The following CRTC2 variants were observed in gnomAD, a reference collection of about 807,000 sequenced individuals.
CRTC2 encodes CREB-regulated transcription coactivator 2.
CRTC2 carries 25 observed loss-of-function variants against 70.9 expected under a neutral mutation model. The ratio of observed to expected loss-of-function variants is 0.35; its 90% CI spans 0.26 to 0.49. The LOEUF is 0.49. Ranked by LOEUF, CRTC2 falls within the 20% of genes least tolerant of loss-of-function variation. The pLI is 0.98. For synonymous variants in CRTC2, 330 were observed against 364.1 expected, an observed-to-expected ratio of 0.91 and a Z score of 1.07; for missense variants, 737 against 882.6, an observed-to-expected ratio of 0.83 and a Z score of 2.09.
In CRTC2 at chr1:153,948,575, G is replaced by T. The variant is rs753013378; in HGVS notation, c.1744C>A (p.Pro582Thr). ...VLDPPGFSEG[P>T]GFLGGEGPMG... ...GGCCCCTCACCCCCTAAAAATCCAG[G>T]CCCTTCAGAAAAGCCAGGGGGATCC... Residue 582 changes from proline (P) to threonine (T), a missense_variant, in exon 13 of 14, where the codon CCT becomes ACT. Transcript: ENST00000368633. 6 of 1,609,830 alleles carry T rather than the reference G, an allele frequency of 3.7e-6. No homozygotes were observed. The South Asian group carries it at 6.6e-5, about 18-fold the overall frequency.
At chr1:153,948,382 A>AC in intron 13 of CRTC2, 53 bp from the exon 14 acceptor site, 3 of 1,612,590 alleles carry the variant, frequency 1.9e-6, no homozygotes, top group Non-Finnish European at 2.5e-6. Flanking sequence ...CTTTTCCAAG[A>AC]CCCCTCAATC....
chr1:153,955,917 T>C (rs1417487119), intron 1 of CRTC2, among the ~76,000 whole-genome samples: 1 of 152,156 alleles, frequency 6.6e-6, no homozygotes, highest in Non-Finnish European at 1.5e-5. Context: ...CCTGAGGGGC[T>C]GCCAGGAGCT....
At position 153,952,651 on chromosome 1, in the gene CRTC2, C is replaced by T; in HGVS notation, c.638-16G>A. On this transcript the variant is annotated splice_polypyrimidine_tract_variant and intron_variant, in intron 7 of 13. Coordinates refer to ENST00000368633, the MANE Select transcript of CRTC2 (RefSeq NM_181715.3). ...ATAGCAGGTACTTGAAAGAGAAAGA[C>T]TGGTGATGGGAGAGTTGGAGAAAGA... 6.2e-7 allele frequency: 1 copy of T among 1,614,126 alleles called. No individual in the cohort carries two copies. The highest frequency in any genetic ancestry group is 8.5e-7 in the Non-Finnish European group (1 of 1,179,946).
intron 12 of CRTC2, 94 bp downstream of exon 12, chr1:153,949,020 CT>C: frequency 7.6e-7 from 1 of 1,322,874 alleles, no homozygotes; most frequent in Non-Finnish European, 1.1e-6. Context: ...CCACCTAGAT[CT>C]CCCCATTCAC....
At chr1:153,958,280 C>T (rs1375455144) in intron 1 of CRTC2, 65 bp downstream of exon 1, 7 of 1,556,642 alleles carry the variant, frequency 4.5e-6, no homozygotes, top group African/African-American at 1.4e-5. Flanking sequence ...GCCCCCGCCC[C>T]GCCTCTCCGG....
At chr1:153,952,971 CAGG>C in intron 6 of CRTC2, 137 bp from the exon 7 acceptor site, 1 of 1,089,246 alleles carries the variant, frequency 9.2e-7, no homozygotes, top group Non-Finnish European at 1.4e-6. Context: ...ATCACGAGGT[CAGG>C]AGTTCAAGAC....
intron 1 of CRTC2, among the ~76,000 whole-genome samples, chr1:153,957,240 GGGGGA>G (rs1680666178): frequency 6.6e-6 from 1 of 151,908 alleles, no homozygotes; most frequent in African/African-American, 2.4e-5. Context: ...ACAGAGTCAA[GGGGGA>G]TACACACAAA....
Position 153,952,052 on chromosome 1 carries a change from CCTG to C in CRTC2, c.960_962del (p.Ser320del). ...CATAGCCTGGGCCCAGGCCCATGCC[CCTG>C]CTGATGCCCAGGTGAGTCATGGTGT... is the stretch of plus-strand genomic sequence containing the variant. On this transcript the variant is annotated inframe_deletion, in exon 10 of 14. Transcript: ENST00000368633. 1 of 1,614,046 alleles carries C rather than the reference CCTG, an allele frequency of 6.2e-7. No individual in the cohort carries two copies. The highest frequency in any genetic ancestry group is 8.5e-7 in the Non-Finnish European group (1 of 1,179,958).
At chr1:153,954,195 A>G (rs1285522223) in intron 4 of CRTC2, 60 bp downstream of exon 4, 2 of 1,346,910 alleles carry the variant, frequency 1.5e-6, no homozygotes, top group Non-Finnish European at 1.1e-6. Flanking sequence ...AGAAGGGGCA[A>G]CTCCTTCCAG....
In CRTC2 at chr1:153,948,044, G is replaced by A; in HGVS notation, c.*65C>T. ...GAGAGTAGAGTCTCTACCTGCCAGG[G>A]GGAAGGGAGGAAAGGAATGGTGGTG... On this transcript the variant is annotated 3_prime_UTR_variant, in exon 14 of 14. Transcript: ENST00000368633. 1.4e-6 allele frequency: 2 copies of A among 1,464,800 alleles called. No individual in the cohort carries two copies. Among genetic ancestry groups the A allele is most frequent in the Non-Finnish European group, 1.9e-6 (2 of 1,050,792 alleles). The allele number at this position is 1,464,800 out of a possible 1,614,324, so 90.7% of individuals were successfully genotyped here.
chr1:153,955,188 G>C, intron 1 of CRTC2, 22 bp from the exon 2 acceptor site: 1 of 1,564,126 alleles, frequency 6.4e-7, no homozygotes, highest in Non-Finnish European at 8.8e-7. Context: ...GGAACAAGTG[G>C]GAATGTCAGG....
In CRTC2 at chr1:153,954,244, T is replaced by C; in HGVS notation, c.434+11A>G. 2 of 1,608,140 alleles carry C rather than the reference T, an allele frequency of 1.2e-6. No individual in the cohort carries two copies. The highest frequency in any genetic ancestry group is 1.7e-6 in the Non-Finnish European group (2 of 1,175,820). ...AGTAGGCAGGAGCTTCTGCCCGCCC[T>C]GGACACTTACCTTCGCCAGCTAGAC... is the stretch of plus-strand genomic sequence containing the variant. On this transcript the variant is annotated intron_variant, in intron 4 of 13. Transcript: ENST00000368633.
intron 12 of CRTC2, 187 bp downstream of exon 12, chr1:153,948,928 G>A (rs114300860): frequency 0.013 from 9,960 of 757,180 alleles, 93 homozygotes; most frequent in Non-Finnish European, 0.016. Flanking sequence ...GGCAGGAGTA[G>A]GGTCAAACGC....
At position 153,949,384 on chromosome 1, in the gene CRTC2, C is replaced by T; in HGVS notation, c.1405G>A (p.Gly469Ser). The T allele has an allele frequency of 6.2e-7, 1 of 1,602,858 alleles. No homozygotes were observed. The highest frequency in any genetic ancestry group is 8.5e-7 in the Non-Finnish European group (1 of 1,174,572). ...AGTTTACTGGTATCCAGGGGGACGC[C>T]CTGAAAAGAAGTAAAAAGAGGGAAG... ...MSPTLSSITQ[G>S]VPLDTSKLST... Residue 469 changes from glycine to serine, a missense_variant and splice_region_variant, in exon 12 of 14, where the codon GGC becomes AGC. Around this residue, in one of 3 missense-constraint regions of CRTC2, gnomAD observed 699 missense variants for 823.7 expected, o/e 0.85. Coordinates refer to ENST00000368633, the MANE Select transcript of CRTC2 (RefSeq NM_181715.3).
chr1:153,948,860 A>G, intron 12 of CRTC2: 2 of 744,878 alleles, frequency 2.7e-6, no homozygotes. Context: ...TGTGCATGCC[A>G]GGAAGAGAAC....
In CRTC2 at chr1:153,951,591, C is replaced by T. The variant is rs921691867; in HGVS notation, c.1073G>A (p.Ser358Asn). 13 of 1,613,134 alleles carry T rather than the reference C, an allele frequency of 8.1e-6. No individual in the cohort carries two copies. The Admixed American group carries it at 8.3e-5, about 10-fold the overall frequency. Reference protein sequence around the residue: ...SNPNLQASLSSPQPQLQGSHS... With the variant: ...SNPNLQASLSNPQPQLQGSHS... ...GGAGCCCTGAAGCTGGGGCTGAGGACTGCTCAGGGAAGCCTGGAGGTTGGG... is the reference window on the plus strand; with the variant it reads ...GGAGCCCTGAAGCTGGGGCTGAGGATTGCTCAGGGAAGCCTGGAGGTTGGG... The change falls in exon 11 of 14, where the codon AGT becomes AAT. Residue 358 changes from serine (S) to asparagine (N), a missense_variant. Coordinates refer to ENST00000368633, the MANE Select transcript of CRTC2 (RefSeq NM_181715.3).
rs143137904 is a variant in CRTC2 at position 153,949,563 on chromosome 1, G to A, written c.1405-179C>T. ...TACTCAACCCCAGGGATGTGTATTA[G>A]TTGGCAGGGTGTGGTGGCTCATGCC... On this transcript the variant is annotated intron_variant, in intron 11 of 13. Coordinates refer to ENST00000368633, the MANE Select transcript of CRTC2 (RefSeq NM_181715.3). Among the ~76,000 whole-genome samples the A allele has an allele frequency of 1.9e-3, 285 of 152,134 alleles. 2 individuals carry two copies. The highest frequency in any genetic ancestry group is 6.5e-3 in the African/African-American group (270 of 41,506).
At chr1:153,953,214 A>C (rs1239560199) in intron 6 of CRTC2, 52 bp downstream of exon 6, 2 of 892,372 alleles carry the variant, frequency 2.2e-6, no homozygotes, top group Non-Finnish European at 1.7e-6. Flanking sequence ...TAAATAAATA[A>C]ATAAATAAAT....
Position 153,949,164 on chromosome 1 carries a change from T to C in CRTC2, c.1625A>G (p.His542Arg). The C allele has an allele frequency of 6.2e-7, 1 of 1,613,632 alleles. No homozygotes were observed. Among genetic ancestry groups the C allele is most frequent in the Middle Eastern group, 1.7e-4 (1 of 6,060 alleles). The change falls in exon 12 of 14, where the codon CAT becomes CGT. Residue 542 changes from histidine (H) to arginine (R), a missense_variant. Coordinates refer to ENST00000368633, the MANE Select transcript of CRTC2 (RefSeq NM_181715.3). The part of the protein sequence containing the change: ...GTPYPPGPSG[H>R]GQQSYHRPMS... ...TGGCCGGTGGTAAGACTGTTGCCCATGCCCACTGGGCCCAGGTGGGTACGG... is the reference window on the plus strand; with the variant it reads ...TGGCCGGTGGTAAGACTGTTGCCCACGCCCACTGGGCCCAGGTGGGTACGG...
Sources: allele counts gnomAD v4.1 joint callset (sites outside exome capture counted in the v4.1 genomes callset), GRCh38; gene constraint gnomAD v4.1.1; regional missense constraint gnomAD v4.1.1; transcripts MANE v1.5; gene names NCBI Gene and HGNC (gene_info 2026-07-23, HGNC 2026-07-21).